Variants in FER observed in about 807,000 individuals in gnomAD.
FER encodes FER tyrosine kinase.
FER carries 63 observed loss-of-function variants against 111.0 expected under a neutral mutation model. That is an observed-to-expected ratio of 0.57 (90% CI 0.46 to 0.70). The LOEUF is 0.70. FER is among the 30% of genes least tolerant of loss of function. The pLI, the probability that FER is intolerant of heterozygous loss-of-function variation, is 0.00. For synonymous variants in FER, 327 were observed against 313.9 expected, an observed-to-expected ratio of 1.04 and a Z score of -0.44; for missense variants, 914 against 954.0, an observed-to-expected ratio of 0.96 and a Z score of 0.55.
At chr5:109,041,810 G>C (rs952176641) in intron 14 of FER, among the ~76,000 whole-genome samples, 1 of 152,188 alleles carries the variant, frequency 6.6e-6, no homozygotes, top group African/African-American at 2.4e-5. Flanking sequence ...AATTTTCAAA[G>C]CTGAGAGTTT....
chr5:109,095,826 A>C (rs1747444110), intron 16 of FER, among the ~76,000 whole-genome samples: 1 of 152,104 alleles, frequency 6.6e-6, no homozygotes, highest in Admixed American at 6.6e-5. Context: ...CTTGATTACT[A>C]GCCTATTTTT....
chr5:108,996,756 T>C (rs1388000242), intron 13 of FER, among the ~76,000 whole-genome samples: 1 of 152,202 alleles, frequency 6.6e-6, no homozygotes, highest in African/African-American at 2.4e-5. Flanking sequence ...TCTTTTTTTG[T>C]TTCCATATGC....
chr5:109,056,341 T>C (rs921301899), intron 16 of FER, among the ~76,000 whole-genome samples: 3 of 152,124 alleles, frequency 2.0e-5, no homozygotes, highest in African/African-American at 7.2e-5. Context: ...AGCAGAGAAA[T>C]GGATAAAGAA....
chr5:108,935,021 A>G (rs1316991653), intron 10 of FER, among the ~76,000 whole-genome samples: 4 of 152,136 alleles, frequency 2.6e-5, no homozygotes, highest in Non-Finnish European at 4.4e-5. Context: ...TTCCTGATTA[A>G]TATATTACAT....
At chr5:109,145,348 C>G (rs2126654345) in intron 17 of FER, among the ~76,000 whole-genome samples, 1 of 152,168 alleles carries the variant, frequency 6.6e-6, no homozygotes, top group South Asian at 2.1e-4. Flanking sequence ...GCACAGTCAT[C>G]TTCTTTGCTA....
chr5:108,831,721 T>G (rs1561482734), intron 3 of FER, among the ~76,000 whole-genome samples: 1 of 152,210 alleles, frequency 6.6e-6, no homozygotes, highest in Non-Finnish European at 1.5e-5. Flanking sequence ...TTTGCTTTCT[T>G]TAGGCTATAA....
At chr5:108,970,163 A>G (rs1309579638) in intron 13 of FER, among the ~76,000 whole-genome samples, 1 of 148,416 alleles carries the variant, frequency 6.7e-6, no homozygotes, top group Non-Finnish European at 1.5e-5. Context: ...ACACTGTTTT[A>G]TGCTTCCTAA....
At chr5:109,128,847 A>C (rs1189750556) in intron 17 of FER, among the ~76,000 whole-genome samples, 5 of 152,086 alleles carry the variant, frequency 3.3e-5, no homozygotes, top group African/African-American at 9.7e-5. Context: ...TGTCTGGAAA[A>C]ATATGTCACA....
At chr5:109,061,602 G>A (rs1274592154) in intron 16 of FER, among the ~76,000 whole-genome samples, 2 of 152,076 alleles carry the variant, frequency 1.3e-5, no homozygotes, top group East Asian at 1.9e-4. Context: ...CAAGCAAAAT[G>A]TCTGTGCAAG....
chr5:108,953,764 A>C (rs541522813), intron 11 of FER, among the ~76,000 whole-genome samples: 1 of 152,180 alleles, frequency 6.6e-6, no homozygotes, highest in East Asian at 1.9e-4. Flanking sequence ...CAATTTATAA[A>C]TTACTTTCTC....
chr5:108,844,126 A>ATGTGTGTGAACACATATG (rs1761620024), intron 5 of FER, among the ~76,000 whole-genome samples: 1 of 150,964 alleles, frequency 6.6e-6, no homozygotes, highest in African/African-American at 2.4e-5. Context: ...GAACACATAT[A>ATGTGTGTGAACACATATG]TGTGTGTGAA....
intron 1 of FER, among the ~76,000 whole-genome samples, chr5:108,757,407 G>T (rs927844088): frequency 1.8e-4 from 28 of 152,138 alleles, no homozygotes; most frequent in African/African-American, 6.5e-4. Context: ...AAAGCCAGCT[G>T]CTAGAAGTGG....
At chr5:108,825,417 A>G (rs1759355644) in intron 3 of FER, among the ~76,000 whole-genome samples, 1 of 152,244 alleles carries the variant, frequency 6.6e-6, no homozygotes, top group Non-Finnish European at 1.5e-5. Flanking sequence ...CTTTTGAAAG[A>G]AGAGAAATAT....
At chr5:109,045,552 C>T (rs1332414410) in intron 15 of FER, among the ~76,000 whole-genome samples, 1 of 152,032 alleles carries the variant, frequency 6.6e-6, no homozygotes, top group Non-Finnish European at 1.5e-5. Flanking sequence ...TGTTTAGAGT[C>T]CTATAGGTGA....
Position 108,989,487 on chromosome 5 carries a change from A to G in FER, c.1656+30140A>G, listed in dbSNP as rs116663795. On this transcript the variant is annotated intron_variant, in intron 13 of 19. Transcript: ENST00000281092. ...TATTTTATTATGAATCCAATGAAAT[A>G]TTGGCCTGTTTATGAGCTTCCTGGA... Among the ~76,000 whole-genome samples the G allele has an allele frequency of 5.9e-3, 896 of 152,180 alleles. 5 individuals carry two copies. The highest frequency in any genetic ancestry group is 0.021 in the African/African-American group (859 of 41,580).
chr5:109,036,308 A>G (rs887289882), intron 13 of FER, among the ~76,000 whole-genome samples: 13 of 152,134 alleles, frequency 8.5e-5, no homozygotes, highest in African/African-American at 2.9e-4. Context: ...AAAACTATGC[A>G]TAAAAACTAT....
At chr5:108,961,469 C>A (rs893249694) in intron 13 of FER, among the ~76,000 whole-genome samples, 1 of 150,656 alleles carries the variant, frequency 6.6e-6, no homozygotes, top group African/African-American at 2.4e-5. Context: ...GTTTTTCCAA[C>A]CCCCAACACT....
chr5:108,949,492 A>G (rs1581352563), intron 11 of FER, among the ~76,000 whole-genome samples: 1 of 152,246 alleles, frequency 6.6e-6, no homozygotes, highest in Middle Eastern at 3.4e-3. Context: ...TTAAGTTTTG[A>G]ATCACTTGCA....
At chr5:108,779,963 C>G (rs1305725608) in intron 2 of FER, among the ~76,000 whole-genome samples, 1 of 152,116 alleles carries the variant, frequency 6.6e-6, no homozygotes, top group Non-Finnish European at 1.5e-5. Flanking sequence ...CATACATAAG[C>G]ATATATCTGT....
Sources: allele counts gnomAD v4.1 joint callset (sites outside exome capture counted in the v4.1 genomes callset), GRCh38; gene constraint gnomAD v4.1.1; transcripts MANE v1.5; gene names NCBI Gene and HGNC (gene_info 2026-07-23, HGNC 2026-07-21).